Variants in ATP8A1 observed in about 807,000 individuals in gnomAD.
ATP8A1 encodes the protein phospholipid-transporting ATPase IA.
ATP8A1 carries 90 observed loss-of-function variants against 177.7 expected under a neutral mutation model. That is an observed-to-expected ratio of 0.51 (90% CI 0.43 to 0.60). The LOEUF is 0.60. ATP8A1 is among the 20% of genes least tolerant of loss of function. The probability of loss-of-function intolerance (pLI) is 0.00; values close to 1 mark genes in which losing one functional copy is unlikely to be tolerated. For synonymous variants in ATP8A1, 493 were observed against 485.9 expected (o/e 1.01, Z -0.19); for missense variants, 1,072 against 1,392.8 (o/e 0.77, Z 3.67).
chr4:42,469,481 G>A (rs1720160793), intron 25 of ATP8A1, among the ~76,000 whole-genome samples: 1 of 152,116 alleles, frequency 6.6e-6, no homozygotes, highest in Admixed American at 6.5e-5. Context: ...TATTTTTATA[G>A]CATCCATTTA....
At position 42,581,757 on chromosome 4, in the gene ATP8A1, G is replaced by C. The variant is rs372360046; in HGVS notation, c.723-25C>G. On this transcript the variant is annotated intron_variant, in intron 9 of 36. Coordinates refer to ENST00000381668, the MANE Select transcript of ATP8A1 (RefSeq NM_006095.2). ...GCTAGGACAGATTACGTTGACATTA[G>C]AAACAGTATTTTCTAAAATGCTTAA... 1.1e-5 allele frequency: 17 copies of C among 1,550,664 alleles called. No homozygotes were observed. In the African/African-American group the frequency reaches 1.6e-4, roughly 15 times the overall value.
At chr4:42,446,098 A>AAAAAG (rs1553874360) in intron 31 of ATP8A1, among the ~76,000 whole-genome samples, 2 of 146,990 alleles carry the variant, frequency 1.4e-5, no homozygotes, top group African/African-American at 5.0e-5. Flanking sequence ...AAAAAAAAAA[A>AAAAAG]AGAGAAGAGA....
chr4:42,589,463 G>C (rs545293469), intron 7 of ATP8A1, among the ~76,000 whole-genome samples: 1 of 152,172 alleles, frequency 6.6e-6, no homozygotes, highest in African/African-American at 2.4e-5. Flanking sequence ...TTAATTTTGT[G>C]GCCCGAAGAT....
intron 33 of ATP8A1, among the ~76,000 whole-genome samples, chr4:42,441,361 T>C (rs1716621703): frequency 6.6e-6 from 1 of 152,118 alleles, no homozygotes; most frequent in Non-Finnish European, 1.5e-5. Flanking sequence ...TATATATATG[T>C]ATATATTTGG....
chr4:42,569,679 C>T (rs1731717340), intron 14 of ATP8A1, among the ~76,000 whole-genome samples: 1 of 152,096 alleles, frequency 6.6e-6, no homozygotes, highest in Non-Finnish European at 1.5e-5. Flanking sequence ...GTTACTTCAA[C>T]AGGTACATTA....
chr4:42,538,459 C>G (rs756618064), intron 20 of ATP8A1, among the ~76,000 whole-genome samples: 2 of 152,066 alleles, frequency 1.3e-5, no homozygotes, highest in Non-Finnish European at 2.9e-5. Context: ...ATAATCAGGA[C>G]AGTAAACAGA....
rs146035627 is a variant in ATP8A1 at position 42,535,207 on chromosome 4, G to T, written c.1722+8710C>A. Among the ~76,000 whole-genome samples the T allele has an allele frequency of 1.6e-4, 25 of 152,148 alleles. No homozygotes were observed. The East Asian group carries it at 3.3e-3, about 20-fold the overall frequency. ...ATAAGAATTCACCAACCAAGTATCTGCTGTCTTTGAGAGACTTACCTGACA... is the reference window on the plus strand; with the variant it reads ...ATAAGAATTCACCAACCAAGTATCTTCTGTCTTTGAGAGACTTACCTGACA... On this transcript the variant is annotated intron_variant, in intron 20 of 36. Coordinates refer to ENST00000381668, the MANE Select transcript of ATP8A1 (RefSeq NM_006095.2).
intron 27 of ATP8A1, among the ~76,000 whole-genome samples, chr4:42,457,724 C>T (rs1718642451): frequency 6.6e-6 from 1 of 152,112 alleles, no homozygotes; most frequent in Non-Finnish European, 1.5e-5. Context: ...GGTGCTGATT[C>T]AAAGGCTACT....
rs752587899 is a variant in ATP8A1, at chr4:42,556,017, TC to T, written c.1363del (p.Glu455LysfsTer22). 4 of 1,612,348 alleles carry T rather than the reference TC, an allele frequency of 2.5e-6. No homozygotes were observed. The highest frequency in any genetic ancestry group is 3.4e-6 in the Non-Finnish European group (4 of 1,179,046). On this transcript the variant is annotated frameshift_variant, in exon 16 of 37. Coordinates refer to ENST00000381668, the MANE Select transcript of ATP8A1 (RefSeq NM_006095.2). LOFTEE classifies it high-confidence loss of function. ...DEWQNSQFGD[E>X]KTFSDSSLLE... ...CAATGATGAATCACTAAATGTTTTT[TC>T]ATCTCCAAACTGTGAGTTCTGCCTG...
intron 5 of ATP8A1, among the ~76,000 whole-genome samples, chr4:42,609,350 A>G (rs977890369): frequency 4.6e-5 from 7 of 152,224 alleles, no homozygotes; most frequent in African/African-American, 1.7e-4. Flanking sequence ...AAACATCAAT[A>G]TAAGTGGCAC....
At chr4:42,489,088 G>T (rs913118285) in intron 24 of ATP8A1, among the ~76,000 whole-genome samples, 2 of 152,036 alleles carry the variant, frequency 1.3e-5, no homozygotes, top group African/African-American at 4.8e-5. Context: ...ATTTTCCAGG[G>T]AACAAATAAT....
rs1041115340 is a variant in ATP8A1, at chr4:42,581,164, T to C, written c.834+457A>G. 1.1e-4 allele frequency among the ~76,000 whole-genome samples: 16 copies of C among 152,112 alleles called. 1 individual carries two copies. The highest frequency in any genetic ancestry group is 3.9e-4 in the East Asian group (2 of 5,160). ...TTATTTTTTTTTTGAGACGGAGTCT[T>C]GCTCTGTTGCCCAGGCTGGAGTACA... On this transcript the variant is annotated intron_variant, in intron 10 of 36. Transcript: ENST00000381668.
At chr4:42,587,610 G>GTT (rs1404998812) in intron 8 of ATP8A1, among the ~76,000 whole-genome samples, 2 of 129,774 alleles carry the variant, frequency 1.5e-5, no homozygotes, top group African/African-American at 6.0e-5. Flanking sequence ...TCCTTGTACA[G>GTT]CTTTTTTTTT....
intron 20 of ATP8A1, among the ~76,000 whole-genome samples, chr4:42,539,445 A>G (rs1437141481): frequency 6.7e-6 from 1 of 149,644 alleles, no homozygotes; most frequent in Non-Finnish European, 1.5e-5. Flanking sequence ...CACAGTTAGA[A>G]AAAATAATCC....
At chr4:42,558,030 T>TCAAAAACAAAAA (rs10700559) in intron 15 of ATP8A1, among the ~76,000 whole-genome samples, 17 of 150,604 alleles carry the variant, frequency 1.1e-4, no homozygotes, top group East Asian at 1.9e-4. Flanking sequence ...AGACTACATC[T>TCAAAAACAAAAA]CAAAAACAAA....
chr4:42,566,552 A>G (rs898521685), intron 15 of ATP8A1, among the ~76,000 whole-genome samples: 17 of 152,244 alleles, frequency 1.1e-4, no homozygotes, highest in Non-Finnish European at 4.4e-5. Flanking sequence ...TGCTAACTTT[A>G]CACAAACTTG....
At chr4:42,580,949 T>G (rs1330698847) in intron 10 of ATP8A1, among the ~76,000 whole-genome samples, 5 of 152,206 alleles carry the variant, frequency 3.3e-5, no homozygotes, top group Non-Finnish European at 7.3e-5. Context: ...TTTAAAAAGT[T>G]GACTATTGCA....
Position 42,443,617 on chromosome 4 carries a change from A to G in ATP8A1, c.3071T>C (p.Ile1024Thr). 3 of 1,566,274 alleles carry G rather than the reference A, an allele frequency of 1.9e-6. No individual in the cohort carries two copies. The highest frequency in any genetic ancestry group is 2.2e-5 in the South Asian group (2 of 90,100). ...AATGGCAGGCCACAGAGATGAGTAGATTCCAAAAAACACCACCCAGAGTGC... is the reference window on the plus strand; with the variant it reads ...AATGGCAGGCCACAGAGATGAGTAGGTTCCAAAAAACACCACCCAGAGTGC... ...SIALWVVFFG[I>T]YSSLWPAIPM... Residue 1024 changes from isoleucine to threonine, a missense_variant, in exon 33 of 37, where the codon ATC (isoleucine) becomes ACC (threonine). Around this residue, in one of 5 missense-constraint regions of ATP8A1, gnomAD observed 316 missense variants for 459.1 expected, o/e 0.69. Coordinates refer to ENST00000381668, the MANE Select transcript of ATP8A1 (RefSeq NM_006095.2).
chr4:42,602,998 C>G lies in ATP8A1; in HGVS notation c.410-2480G>C, dbSNP rs561263005. 2.2e-4 allele frequency among the ~76,000 whole-genome samples: 33 copies of G among 152,048 alleles called. 1 individual carries two copies. The highest frequency in any genetic ancestry group is 4.9e-4 in the Non-Finnish European group (33 of 67,998). The stretch of plus-strand genomic sequence containing the variant: ...CAATAGTGTCTAGAGCTCTGTATTG[C>G]CACTTATTTCCTTCGGATCCTATCT... On this transcript the variant is annotated intron_variant, in intron 5 of 36. Coordinates refer to ENST00000381668, the MANE Select transcript of ATP8A1 (RefSeq NM_006095.2).
Sources: allele counts gnomAD v4.1 joint callset (sites outside exome capture counted in the v4.1 genomes callset), GRCh38; gene constraint gnomAD v4.1.1; regional missense constraint gnomAD v4.1.1; transcripts MANE v1.5; gene names NCBI Gene and HGNC (gene_info 2026-07-23, HGNC 2026-07-21).